Variants in EPHA6 observed in about 807,000 individuals in gnomAD.
The protein encoded by EPHA6 is ephrin type-A receptor 6.
Under a neutral mutation model 112.0 loss-of-function variants are expected in EPHA6, and 50 were observed. The observed-to-expected ratio is 0.45, with a 90% CI of 0.36 to 0.56. EPHA6 has a LOEUF of 0.56. Among genes scored for constraint, EPHA6 ranks in the 20% least tolerant of loss-of-function variants. The pLI is 0.00. For synonymous variants in EPHA6, 529 were observed against 490.7 expected (o/e 1.08, Z -1.03); for missense variants, 1,280 against 1,417.4 (o/e 0.90, Z 1.56).
Position 97,416,614 on chromosome 3 carries a change from G to A in EPHA6, c.1731+11340G>A, listed in dbSNP as rs1456855988. ...GATGAGCCTGAAACAGTGAGCAGAGGAAAGCAAAGTACACCATTTCTCTCC... is the reference window on the plus strand; with the variant it reads ...GATGAGCCTGAAACAGTGAGCAGAGAAAAGCAAAGTACACCATTTCTCTCC... On this transcript the variant is annotated intron_variant, in intron 6 of 17. Coordinates refer to ENST00000389672, the MANE Select transcript of EPHA6 (RefSeq NM_001080448.3). Among the ~76,000 whole-genome samples the A allele has an allele frequency of 2.0e-5, 3 of 151,952 alleles. No individual in the cohort carries two copies. The South Asian group carries it at 6.2e-4, about 31-fold the overall frequency.
chr3:97,746,856 A>G (rs2035735571), intron 16 of EPHA6, among the ~76,000 whole-genome samples: 1 of 151,972 alleles, frequency 6.6e-6, no homozygotes, highest in Admixed American at 6.6e-5. Flanking sequence ...TGTGACAATA[A>G]AAATTACATT....
intron 3 of EPHA6, among the ~76,000 whole-genome samples, chr3:97,052,407 A>C (rs2045712948): frequency 6.6e-6 from 1 of 152,072 alleles, no homozygotes; most frequent in East Asian, 1.9e-4. Context: ...TAGTTGCCAA[A>C]GACTTTAATT....
At chr3:97,462,238 T>C (rs541206435) in intron 7 of EPHA6, among the ~76,000 whole-genome samples, 2 of 152,330 alleles carry the variant, frequency 1.3e-5, no homozygotes, top group East Asian at 1.9e-4. Context: ...TGAGTTAACA[T>C]ATGTGTTTAA....
chr3:97,642,153 C>A (rs1377591025), intron 14 of EPHA6, among the ~76,000 whole-genome samples: 1 of 123,018 alleles, frequency 8.1e-6, no homozygotes, highest in African/African-American at 3.1e-5. Flanking sequence ...AGCAGCCTAA[C>A]TGGGAGGCAC....
intron 3 of EPHA6, among the ~76,000 whole-genome samples, chr3:97,114,708 T>C (rs1342792758): frequency 6.6e-6 from 1 of 152,044 alleles, no homozygotes; most frequent in African/African-American, 2.4e-5. Flanking sequence ...AAAATGTCTT[T>C]TTTGCTGTGA....
At chr3:97,315,654 T>A (rs1375936682) in intron 5 of EPHA6, among the ~76,000 whole-genome samples, 1 of 151,742 alleles carries the variant, frequency 6.6e-6, no homozygotes, top group Admixed American at 6.6e-5. Flanking sequence ...AAAGGAGAAA[T>A]TTTTAGTGAA....
Position 97,749,497 on chromosome 3 carries a change from G to A in EPHA6, c.*796G>A, listed in dbSNP as rs779825347. The stretch of plus-strand genomic sequence containing the variant: ...ATTTCTCTACTACCTTATGAAGACC[G>A]CTCCTGGAAAGACCAAGGGTGACTT... On this transcript the variant is annotated 3_prime_UTR_variant, in exon 18 of 18. Transcript: ENST00000389672. 6.6e-5 allele frequency among the ~76,000 whole-genome samples: 10 copies of A among 151,716 alleles called. No homozygotes were observed. The highest frequency in any genetic ancestry group is 2.1e-4 in the South Asian group (1 of 4,814).
At chr3:97,591,124 C>A (rs1193949755) in intron 11 of EPHA6, among the ~76,000 whole-genome samples, 1 of 152,180 alleles carries the variant, frequency 6.6e-6, no homozygotes, top group Non-Finnish European at 1.5e-5. Flanking sequence ...ATAAAATCAA[C>A]AACAAAACTA....
intron 3 of EPHA6, among the ~76,000 whole-genome samples, chr3:97,137,979 C>G (rs1199080739): frequency 1.3e-5 from 2 of 152,148 alleles, no homozygotes; most frequent in Non-Finnish European, 2.9e-5. Context: ...CATAAATCTA[C>G]ACAATCAAAT....
intron 17 of EPHA6, 142 bp downstream of exon 17, chr3:97,747,714 G>C (rs2035775652): frequency 6.6e-6 from 4 of 607,684 alleles, no homozygotes; most frequent in Non-Finnish European, 9.8e-6. Flanking sequence ...CATTCTAGTG[G>C]AAGTTGGACA....
intron 2 of EPHA6, among the ~76,000 whole-genome samples, chr3:96,968,240 A>G (rs1239309665): frequency 6.6e-6 from 1 of 151,796 alleles, no homozygotes; most frequent in Non-Finnish European, 1.5e-5. Flanking sequence ...TGTGGTAACC[A>G]TATCTAATTA....
intron 1 of EPHA6, among the ~76,000 whole-genome samples, chr3:96,827,270 G>T (rs1576069842): frequency 6.6e-6 from 1 of 152,130 alleles, no homozygotes; most frequent in East Asian, 1.9e-4. Flanking sequence ...AGAAAGTTGA[G>T]AAGTTGAGTA....
At chr3:97,367,356 T>C (rs1206673818) in intron 5 of EPHA6, among the ~76,000 whole-genome samples, 5 of 152,244 alleles carry the variant, frequency 3.3e-5, no homozygotes, top group South Asian at 2.1e-4. Context: ...GCAGCCGTAT[T>C]GGAGAGAAGC....
chr3:96,986,474 AT>A (rs1367473230), intron 2 of EPHA6, among the ~76,000 whole-genome samples: 1 of 152,070 alleles, frequency 6.6e-6, no homozygotes, highest in African/African-American at 2.4e-5. Flanking sequence ...GCCTCAGGTT[AT>A]TTGTATTTAC....
At chr3:97,481,199 C>T (rs940091191) in intron 9 of EPHA6, 23 of 1,133,590 alleles carry the variant, frequency 2.0e-5, no homozygotes, top group Admixed American at 1.6e-4. Context: ...TCATGAAGTA[C>T]TGGAAAAGAC....
intron 2 of EPHA6, among the ~76,000 whole-genome samples, chr3:96,918,637 A>G (rs1392680476): frequency 6.6e-6 from 1 of 152,064 alleles, no homozygotes; most frequent in African/African-American, 2.4e-5. Flanking sequence ...AAGGTAATTT[A>G]TAGTTGGTTT....
intron 11 of EPHA6, among the ~76,000 whole-genome samples, chr3:97,541,890 A>G (rs1292214855): frequency 1.3e-5 from 2 of 151,712 alleles, no homozygotes; most frequent in African/African-American, 4.8e-5. Context: ...ATATATATAT[A>G]TAAAGGGGAG....
At chr3:97,039,590 G>T (rs1007767435) in intron 3 of EPHA6, among the ~76,000 whole-genome samples, 67 of 151,938 alleles carry the variant, frequency 4.4e-4, no homozygotes, top group African/African-American at 1.6e-3. Context: ...ATGAGTATAT[G>T]TAGTTTTGTT....
chr3:97,253,306 T>C (rs144681036), intron 5 of EPHA6, among the ~76,000 whole-genome samples: 92 of 152,276 alleles, frequency 6.0e-4, no homozygotes, highest in African/African-American at 2.1e-3. Flanking sequence ...ATTTATTCTG[T>C]TAGGTAGTAA....
Sources: gnomAD v4.1 joint callset for allele counts (sites outside exome capture counted in the v4.1 genomes callset) on GRCh38, gnomAD v4.1.1 for gene constraint, MANE v1.5 for transcripts, NCBI Gene and HGNC (gene_info 2026-07-23, HGNC 2026-07-21) for gene names.